Variants in TMEM106B observed in about 807,000 individuals in gnomAD.
TMEM106B encodes transmembrane protein 106B.
TMEM106B carries 15 observed loss-of-function variants against 31.1 expected under a neutral mutation model. The ratio of observed to expected loss-of-function variants is 0.48; its 90% confidence interval spans 0.32 to 0.74. The LOEUF is 0.74. Among genes scored for constraint, TMEM106B ranks in the 30% least tolerant of loss-of-function variants. The pLI is 0.03. For missense variants in TMEM106B, 283 were observed against 327.3 expected (o/e 0.86, Z 1.04); for synonymous variants, 126 against 112.5 (o/e 1.12, Z -0.76).
Position 12,227,023 on chromosome 7 carries a change from GTTTTC to G in TMEM106B, c.441+2643_441+2647del, listed in dbSNP as rs570545973. 5.3e-3 allele frequency among the ~76,000 whole-genome samples: 807 copies of G among 152,056 alleles called. 2 individuals carry two copies. Among genetic ancestry groups the G allele is most frequent in the Non-Finnish European group, 7.1e-3 (484 of 67,920 alleles). ...AATAAATAATAAAAAACCCTGTGAT[GTTTTC>G]TTTTAAGTACCAGCAAGTATATTTA... On this transcript the variant is annotated intron_variant, in intron 4 of 7. Transcript: ENST00000396668.
At chr7:12,221,253 A>T (rs901490942) in intron 3 of TMEM106B, among the ~76,000 whole-genome samples, 8 of 152,196 alleles carry the variant, frequency 5.3e-5, no homozygotes, top group Admixed American at 2.0e-4. Context: ...ATTTTAAGTG[A>T]CTTGAAAACA....
chr7:12,222,428 A>G (rs1360074073), intron 3 of TMEM106B, among the ~76,000 whole-genome samples: 4 of 152,188 alleles, frequency 2.6e-5, no homozygotes. Context: ...TATACAGAGT[A>G]ATTTAGAACA....
intron 1 of TMEM106B, among the ~76,000 whole-genome samples, chr7:12,213,328 TTTA>T (rs1781618146): frequency 2.0e-5 from 3 of 152,146 alleles, no homozygotes; most frequent in African/African-American, 7.2e-5. Flanking sequence ...TTTGGGGCTT[TTTA>T]TTGTTGTTGC....
At chr7:12,220,147 A>G (rs1781760115) in intron 3 of TMEM106B, among the ~76,000 whole-genome samples, 1 of 152,206 alleles carries the variant, frequency 6.6e-6, no homozygotes, top group South Asian at 2.1e-4. Context: ...AAAATAAAAC[A>G]AACCAAGGAT....
At position 12,233,350 on chromosome 7, in the gene TMEM106B, T is replaced by A. The variant is rs1384855315; in HGVS notation, c.*1375T>A. 7.3e-5 allele frequency: 11 copies of A among 151,442 alleles called. No homozygotes were observed. Among genetic ancestry groups the A allele is most frequent in the Admixed American group, 7.2e-4 (11 of 15,190 alleles). The allele number at this position is 151,442 out of a possible 1,614,324, so 9.4% of individuals were successfully genotyped here. ...TGTAGCTGGGTTGAGATTAATTTCGTTCTGTTTTCTCATGACAGAAATCAG... is the reference window on the plus strand; with the variant it reads ...TGTAGCTGGGTTGAGATTAATTTCGATCTGTTTTCTCATGACAGAAATCAG... On this transcript the variant is annotated 3_prime_UTR_variant, in exon 8 of 8. Transcript: ENST00000396668.
intron 5 of TMEM106B, 76 bp downstream of exon 5, chr7:12,229,895 T>C: frequency 6.9e-7 from 1 of 1,456,512 alleles, no homozygotes; most frequent in South Asian, 1.4e-5. Context: ...TTGAAGGAGG[T>C]GGGGGATTTC....
chr7:12,228,534 G>A (rs1781951033), intron 4 of TMEM106B, among the ~76,000 whole-genome samples: 1 of 151,592 alleles, frequency 6.6e-6, no homozygotes, highest in Non-Finnish European at 1.5e-5. Flanking sequence ...TTTATGAATA[G>A]AATTCATTTT....
rs1270333283 is a variant in TMEM106B at position 12,233,645 on chromosome 7, TC to T, written c.*1672del. 1.3e-5 allele frequency: 2 copies of T among 151,232 alleles called. No homozygotes were observed. Among genetic ancestry groups the T allele is most frequent in the Non-Finnish European group, 3.0e-5 (2 of 67,562 alleles). 9.4% of individuals were successfully genotyped at this position (151,232 alleles called of 1,614,324 possible). ...ATCCTTACTATTAAACCCAAATCAGTCCTTTAAGTTCATTATGGCCTTTCTA... is the reference window on the plus strand; with the variant it reads ...ATCCTTACTATTAAACCCAAATCAGTCTTTAAGTTCATTATGGCCTTTCTA... On this transcript the variant is annotated 3_prime_UTR_variant, in exon 8 of 8. Transcript: ENST00000396668.
chr7:12,228,993 G>C (rs886493726), intron 4 of TMEM106B, among the ~76,000 whole-genome samples: 1 of 151,542 alleles, frequency 6.6e-6, no homozygotes, highest in African/African-American at 2.4e-5. Context: ...AGGGCTCTTT[G>C]CATGTTATAG....
At chr7:12,214,290 CCTG>C (rs1781641023) in intron 1 of TMEM106B, 1 of 152,444 alleles carries the variant, frequency 6.6e-6, no homozygotes, top group African/African-American at 2.4e-5. Context: ...CTCTCTGAAG[CCTG>C]CTACCTGGAG....
chr7:12,227,028 C>A (rs1285155718), intron 4 of TMEM106B, among the ~76,000 whole-genome samples: 1 of 150,400 alleles, frequency 6.6e-6, no homozygotes, highest in Non-Finnish European at 1.5e-5. Context: ...GTGATGTTTT[C>A]TTTTAAGTAC....
intron 4 of TMEM106B, among the ~76,000 whole-genome samples, chr7:12,227,848 CTT>C (rs2128526817): frequency 6.6e-6 from 1 of 151,798 alleles, no homozygotes; most frequent in African/African-American, 2.4e-5. Flanking sequence ...CTTATTTTTT[CTT>C]TGTCTTAATT....
In TMEM106B at chr7:12,242,457, CTTG is replaced by C. The variant is rs1318685673; in HGVS notation, c.*10485_*10487del. On this transcript the variant is annotated 3_prime_UTR_variant, in exon 8 of 8. Coordinates refer to ENST00000396668, the MANE Select transcript of TMEM106B (RefSeq NM_001134232.2). Reference sequence around the variant, plus strand: ...TTCAAGTTTTCTGCCTTGTTGATAACTTGTTAACATTTTTTTATTTTAGAATAA... The same window carrying C: ...TTCAAGTTTTCTGCCTTGTTGATAACTTAACATTTTTTTATTTTAGAATAA... 7 of 149,950 alleles carry C rather than the reference CTTG, an allele frequency of 4.7e-5. No homozygotes were observed. The highest frequency in any genetic ancestry group is 3.9e-4 in the East Asian group (2 of 5,138). 9.3% of individuals were successfully genotyped at this position (149,950 alleles called of 1,614,324 possible).
chr7:12,224,244 T>G lies in TMEM106B; in HGVS notation c.300T>G (p.Ala100=). 2 of 1,613,854 alleles carry G rather than the reference T, an allele frequency of 1.2e-6. No individual in the cohort carries two copies. The highest frequency in any genetic ancestry group is 8.5e-7 in the Non-Finnish European group (1 of 1,179,798). The change falls in exon 4 of 8, where the codon GCT becomes GCG. Residue 100 remains alanine (A), a synonymous_variant. Coordinates refer to ENST00000396668, the MANE Select transcript of TMEM106B (RefSeq NM_001134232.2). The stretch of plus-strand genomic sequence containing the variant: ...TTTTCAGAAAGCTGTATGTGATGGC[T>G]TCTGTGTTTGTCTGTCTACTCCTTT... ...RPRRTKLYVM[A]SVFVCLLLSG...
chr7:12,231,892 T>A lies in TMEM106B; in HGVS notation c.742T>A (p.Tyr248Asn). 6.2e-7 allele frequency: 1 copy of A among 1,612,036 alleles called. No individual in the cohort carries two copies. The change falls in exon 8 of 8, where the codon TAT becomes AAT. Residue 248 changes from tyrosine (Y) to asparagine (N), a missense_variant. Coordinates refer to ENST00000396668, the MANE Select transcript of TMEM106B (RefSeq NM_001134232.2). ...CTCTGAACAGATATCCCAGGAGAGG[T>A]ATCAGTATGTCGACTGTGGAAGAAA... is the stretch of plus-strand genomic sequence containing the variant. ...GHSEQISQERYQYVDCGRNTT... is the reference protein window; with the variant it reads ...GHSEQISQERNQYVDCGRNTT...
intron 2 of TMEM106B, chr7:12,215,596 A>G (rs1028678085): frequency 3.0e-6 from 1 of 337,016 alleles, no homozygotes; most frequent in Non-Finnish European, 6.2e-6. Flanking sequence ...TATTTTTTTA[A>G]TAATAAGGAT....
chr7:12,216,705 A>G (rs1287687240), intron 2 of TMEM106B, among the ~76,000 whole-genome samples: 2 of 152,182 alleles, frequency 1.3e-5, no homozygotes, highest in African/African-American at 2.4e-5. Context: ...AGTTAGAATG[A>G]GAGGAGGAAA....
At chr7:12,212,044 G>C (rs765766801) in intron 1 of TMEM106B, among the ~76,000 whole-genome samples, 2 of 152,160 alleles carry the variant, frequency 1.3e-5, no homozygotes, top group African/African-American at 2.4e-5. Flanking sequence ...GGTTACACTT[G>C]TCAGTTCTCT....
chr7:12,219,039 T>A (rs76017551), intron 3 of TMEM106B, among the ~76,000 whole-genome samples: 5 of 151,928 alleles, frequency 3.3e-5, no homozygotes, highest in African/African-American at 1.2e-4. Context: ...TTGCATGCTC[T>A]AGCTTGGAGA....
Sources: allele counts gnomAD v4.1 joint callset (sites outside exome capture counted in the v4.1 genomes callset), GRCh38; gene constraint gnomAD v4.1.1; transcripts MANE v1.5; gene names NCBI Gene and HGNC (gene_info 2026-07-23, HGNC 2026-07-21).